Variants in DCDC2 observed in about 807,000 individuals in gnomAD.
DCDC2 encodes the protein doublecortin domain containing 2.
Under a neutral mutation model 50.2 loss-of-function variants are expected in DCDC2, and 40 were observed. The observed-to-expected ratio is 0.80, with a 90% CI of 0.62 to 1.04. The LOEUF (loss-of-function observed/expected upper bound fraction) is 1.04. Ranked by LOEUF, DCDC2 falls within the 50% of genes least tolerant of loss-of-function variation. The probability of loss-of-function intolerance (pLI) is 0.00; values close to 1 mark genes in which losing one functional copy is unlikely to be tolerated. For synonymous variants in DCDC2, 234 were observed against 210.6 expected (o/e 1.11, Z -0.96); for missense variants, 570 against 581.9 (o/e 0.98, Z 0.21).
chr6:24,327,721 C>T (rs1348181501), intron 2 of DCDC2, among the ~76,000 whole-genome samples: 1 of 151,980 alleles, frequency 6.6e-6, no homozygotes, highest in Non-Finnish European at 1.5e-5. Context: ...TGATCCAACT[C>T]GCCTCAGCCT....
chr6:24,354,261 A>G (rs1365806315), intron 1 of DCDC2, among the ~76,000 whole-genome samples: 4 of 152,186 alleles, frequency 2.6e-5, no homozygotes. Flanking sequence ...ACCTTTGTCA[A>G]CTTCACGTGT....
At chr6:24,309,273 C>T (rs3857542) in intron 2 of DCDC2, among the ~76,000 whole-genome samples, 23,145 of 148,778 alleles carry the variant, frequency 0.16, 2,496 homozygotes, top group East Asian at 0.51. Flanking sequence ...TGCAGTGAGA[C>T]GAGATCACGC....
At chr6:24,324,282 C>A (rs1030674345) in intron 2 of DCDC2, among the ~76,000 whole-genome samples, 4 of 152,124 alleles carry the variant, frequency 2.6e-5, no homozygotes, top group African/African-American at 7.2e-5. Context: ...CCAGTGACCA[C>A]CCCCTTACCT....
chr6:24,375,114 C>T, the DCDC2 span, among the ~76,000 whole-genome samples: 5 of 152,192 alleles, frequency 3.3e-5, no homozygotes, highest in African/African-American at 1.2e-4. Flanking sequence ...GGAATCTAGA[C>T]TTCCCTGTGA....
At position 24,174,797 on chromosome 6, in the gene DCDC2, A is replaced by G. The variant is rs763350514; in HGVS notation, c.1364T>C (p.Val455Ala). ...VDPQRPPRPE[V>A]KITSPEENEN... The stretch of plus-strand genomic sequence containing the variant: ...ATTTTCTTCTGGACTGGTAATTTTT[A>G]CTTCTGGCCTTGGTGGTCTTTGAGG... The change falls in exon 10 of 10, where the codon GTA (valine) becomes GCA (alanine). Residue 455 changes from valine (V) to alanine (A), a missense_variant. Transcript: ENST00000378454. 5.6e-6 allele frequency: 9 copies of G among 1,613,456 alleles called. No homozygotes were observed. In the East Asian group the frequency reaches 1.8e-4, roughly 32 times the overall value.
intron 4 of DCDC2, among the ~76,000 whole-genome samples, chr6:24,297,537 T>A (rs1410961194): frequency 6.6e-6 from 1 of 152,204 alleles, no homozygotes; most frequent in East Asian, 1.9e-4. Flanking sequence ...CATTTCTATA[T>A]TTTTACTTGA....
At chr6:24,379,550 G>T in the DCDC2 span, among the ~76,000 whole-genome samples, 5 of 152,242 alleles carry the variant, frequency 3.3e-5, no homozygotes, top group Non-Finnish European at 7.3e-5. Flanking sequence ...ACAGATGCTG[G>T]AGAGGATGTG....
intron 7 of DCDC2, among the ~76,000 whole-genome samples, chr6:24,230,236 C>G (rs1388680031): frequency 1.3e-5 from 2 of 152,034 alleles, no homozygotes; most frequent in Non-Finnish European, 2.9e-5. Flanking sequence ...GGGAAGGAGG[C>G]GGCCAATGGA....
At chr6:24,359,664 A>G (rs1760627442), upstream of DCDC2, among the ~76,000 whole-genome samples, 1 of 147,542 alleles carries the variant, frequency 6.8e-6, no homozygotes. Flanking sequence ...TGGGAAACTG[A>G]GGCAGGAGGC....
At chr6:24,217,880 G>T (rs1762015723) in intron 7 of DCDC2, among the ~76,000 whole-genome samples, 1 of 152,158 alleles carries the variant, frequency 6.6e-6, no homozygotes, top group Non-Finnish European at 1.5e-5. Flanking sequence ...AATGTACTCA[G>T]TTTAGCATAT....
At chr6:24,247,917 A>C (rs1762714088) in intron 7 of DCDC2, among the ~76,000 whole-genome samples, 1 of 152,160 alleles carries the variant, frequency 6.6e-6, no homozygotes, top group Non-Finnish European at 1.5e-5. Context: ...TCTACTAAAA[A>C]TACAAAAAAT....
chr6:24,257,279 A>C (rs1319802367), intron 7 of DCDC2, among the ~76,000 whole-genome samples: 1 of 152,238 alleles, frequency 6.6e-6, no homozygotes, highest in East Asian at 1.9e-4. Flanking sequence ...ACAATGTGTG[A>C]AAAAATTCAG....
intron 2 of DCDC2, among the ~76,000 whole-genome samples, chr6:24,344,885 T>C (rs1447259227): frequency 6.6e-6 from 1 of 152,226 alleles, no homozygotes; most frequent in Admixed American, 6.5e-5. Flanking sequence ...AGAATGCTTC[T>C]TAAGTAGCAG....
chr6:24,291,727 C>T (rs991867080), intron 4 of DCDC2, among the ~76,000 whole-genome samples: 2 of 151,874 alleles, frequency 1.3e-5, no homozygotes, highest in African/African-American at 2.4e-5. Context: ...CCTCGTGATC[C>T]GCCCGCCTCG....
In DCDC2 at chr6:24,301,824, T is replaced by C. The variant is rs1258695916; in HGVS notation, c.448A>G (p.Ile150Val). Residue 150 changes from isoleucine to valine, a missense_variant, in exon 4 of 10, where the codon ATA becomes GTA. Coordinates refer to ENST00000378454, the MANE Select transcript of DCDC2 (RefSeq NM_016356.5). ...ATAAGGAGGCGAGAAGCTGGGTTTATGAGGTCTCCATTTGCAATCAAGCTG... is the reference window on the plus strand; with the variant it reads ...ATAAGGAGGCGAGAAGCTGGGTTTACGAGGTCTCCATTTGCAATCAAGCTG... ...TIFLIANGDL[I>V]NPASRLLIPR... 7.4e-6 allele frequency: 12 copies of C among 1,614,228 alleles called. No individual in the cohort carries two copies. Among genetic ancestry groups the C allele is most frequent in the Non-Finnish European group, 1.0e-5 (12 of 1,180,036 alleles).
intron 2 of DCDC2, among the ~76,000 whole-genome samples, chr6:24,317,095 AT>A (rs1233794977): frequency 6.6e-6 from 1 of 152,006 alleles, no homozygotes; most frequent in Non-Finnish European, 1.5e-5. Flanking sequence ...ATACATCTGT[AT>A]TTACAGATGT....
intron 7 of DCDC2, among the ~76,000 whole-genome samples, chr6:24,264,834 T>TAA (rs533997010): frequency 7.0e-6 from 1 of 143,662 alleles, no homozygotes; most frequent in Non-Finnish European, 1.5e-5. Context: ...CCGAATGGAT[T>TAA]AAAAAAAAAA....
At chr6:24,253,049 G>C (rs1762823867) in intron 7 of DCDC2, among the ~76,000 whole-genome samples, 1 of 152,110 alleles carries the variant, frequency 6.6e-6, no homozygotes, top group South Asian at 2.1e-4. Flanking sequence ...GCTGTGATAA[G>C]AGGGAAATTC....
At chr6:24,337,676 T>C (rs1050163301) in intron 2 of DCDC2, among the ~76,000 whole-genome samples, 66 of 151,792 alleles carry the variant, frequency 4.3e-4, no homozygotes, top group African/African-American at 1.5e-3. Flanking sequence ...TGCGTGCCTG[T>C]GATCCCAACT....
Sources: gnomAD v4.1 joint callset for allele counts (sites outside exome capture counted in the v4.1 genomes callset) on GRCh38, gnomAD v4.1.1 for gene constraint, MANE v1.5 for transcripts, NCBI Gene and HGNC (gene_info 2026-07-23, HGNC 2026-07-21) for gene names.